ADAMTSL3: variants seen among roughly 807,000 people sequenced by gnomAD.
ADAMTSL3 encodes the protein ADAMTS-like protein 3.
In ADAMTSL3, 128 loss-of-function variants were observed where a neutral mutation model predicts 201.7. That is an observed-to-expected ratio of 0.63 (90% CI 0.55 to 0.73). ADAMTSL3 has a LOEUF of 0.73. Among genes scored for constraint, ADAMTSL3 ranks in the 30% least tolerant of loss-of-function variants. The pLI is 0.00. For synonymous variants in ADAMTSL3, 738 were observed against 748.4 expected (o/e 0.99, Z 0.23); for missense variants, 1,990 against 2,119.6 (o/e 0.94, Z 1.20).
At chr15:83,776,713 G>A (rs1024501453) in intron 4 of ADAMTSL3, among the ~76,000 whole-genome samples, 5 of 151,724 alleles carry the variant, frequency 3.3e-5, no homozygotes, top group East Asian at 1.9e-4. Flanking sequence ...GCGAAACTCC[G>A]TCTCAAAAAA....
Position 83,720,792 on chromosome 15 carries a change from A to G in ADAMTSL3, c.189+16284A>G, listed in dbSNP as rs17158664. On this transcript the variant is annotated intron_variant, in intron 3 of 29. Coordinates refer to ENST00000286744, the MANE Select transcript of ADAMTSL3 (RefSeq NM_207517.3). ...TTGAAGCAGCTTTATTTCCTGCCCC[A>G]TTACAGGATAGTACTTTTATAATAT... Among the ~76,000 whole-genome samples, 1,282 of 152,302 alleles carry G rather than the reference A, an allele frequency of 8.4e-3. 18 individuals are homozygous for G. The highest frequency in any genetic ancestry group is 0.03 in the African/African-American group (1,248 of 41,576).
At chr15:83,939,823 T>C (rs1297017500) in intron 17 of ADAMTSL3, among the ~76,000 whole-genome samples, 3 of 152,100 alleles carry the variant, frequency 2.0e-5, no homozygotes, top group Non-Finnish European at 1.5e-5. Flanking sequence ...GGTTTCACCA[T>C]GTTGGCCAGG....
chr15:83,695,567 A>G (rs2061676871), intron 2 of ADAMTSL3, among the ~76,000 whole-genome samples: 1 of 152,100 alleles, frequency 6.6e-6, no homozygotes, highest in Non-Finnish European at 1.5e-5. Flanking sequence ...TCAAAACTAC[A>G]TGGTATTTTG....
At chr15:83,838,258 T>C (rs373449616) in intron 7 of ADAMTSL3, 43 bp downstream of exon 7, 19 of 1,592,166 alleles carry the variant, frequency 1.2e-5, no homozygotes, top group Middle Eastern at 1.7e-4. Flanking sequence ...ATACAAGATA[T>C]ATTTTAGACT....
intron 4 of ADAMTSL3, among the ~76,000 whole-genome samples, chr15:83,783,705 C>T (rs945759690): frequency 6.6e-5 from 10 of 150,478 alleles, no homozygotes; most frequent in African/African-American, 7.3e-5. Context: ...CACCCATATA[C>T]GGAAGTTTAA....
chr15:83,930,114 C>T (rs1332818573), intron 17 of ADAMTSL3, among the ~76,000 whole-genome samples: 3 of 152,122 alleles, frequency 2.0e-5, no homozygotes, highest in Non-Finnish European at 2.9e-5. Context: ...CTCAGTTCCA[C>T]GTCTCTCAAG....
chr15:83,981,731 C>A (rs2067387813), intron 20 of ADAMTSL3, among the ~76,000 whole-genome samples: 1 of 152,208 alleles, frequency 6.6e-6, no homozygotes, highest in Admixed American at 6.5e-5. Flanking sequence ...AGCTGGCCAA[C>A]CTCAGCCTCC....
chr15:83,898,518 T>A (rs1243273927), intron 14 of ADAMTSL3, among the ~76,000 whole-genome samples: 1 of 152,170 alleles, frequency 6.6e-6, no homozygotes, highest in African/African-American at 2.4e-5. Context: ...TACTAATGCA[T>A]GGAATGAATG....
intron 3 of ADAMTSL3, among the ~76,000 whole-genome samples, chr15:83,723,754 A>G (rs542240668): frequency 6.6e-6 from 1 of 152,286 alleles, no homozygotes; most frequent in South Asian, 2.1e-4. Flanking sequence ...AAGCAAAAAT[A>G]ACAGTGGTTA....
chr15:83,900,145 G>A (rs1362748179), intron 15 of ADAMTSL3, among the ~76,000 whole-genome samples: 1 of 152,160 alleles, frequency 6.6e-6, no homozygotes, highest in East Asian at 1.9e-4. Context: ...GTGATCATAG[G>A]GAAATGGAAA....
In ADAMTSL3 at chr15:83,852,685, C is replaced by T. The variant is rs569083409; in HGVS notation, c.728-6081C>T. Among the ~76,000 whole-genome samples, 20 of 152,236 alleles carry T rather than the reference C, an allele frequency of 1.3e-4. No individual in the cohort carries two copies. The South Asian group carries it at 3.9e-3, about 30-fold the overall frequency. On this transcript the variant is annotated intron_variant, in intron 7 of 29. Transcript: ENST00000286744. Reference sequence around the variant, plus strand: ...TGTTTTTTTCTTACTGATTTGTAAACACTCTGGATATTAAGAAAACAGTCT... The same window carrying T: ...TGTTTTTTTCTTACTGATTTGTAAATACTCTGGATATTAAGAAAACAGTCT...
intron 15 of ADAMTSL3, among the ~76,000 whole-genome samples, chr15:83,903,242 C>CTTTTTTTTT (rs3044648): frequency 4.6e-4 from 61 of 133,462 alleles, no homozygotes; most frequent in African/African-American, 1.2e-3. Flanking sequence ...GCTGCCAGAT[C>CTTTTTTTTT]TTTTTTTTTT....
intron 4 of ADAMTSL3, among the ~76,000 whole-genome samples, chr15:83,775,959 C>G (rs1243725332): frequency 6.6e-6 from 1 of 152,214 alleles, no homozygotes; most frequent in East Asian, 1.9e-4. Context: ...GTGCCCACAT[C>G]TGGTTCACAG....
chr15:83,682,783 T>A (rs1004019218), intron 2 of ADAMTSL3, among the ~76,000 whole-genome samples: 1 of 152,274 alleles, frequency 6.6e-6, no homozygotes, highest in African/African-American at 2.4e-5. Context: ...TGTCATCTAA[T>A]GACTTTCCTA....
At chr15:83,655,019 G>A (rs1362515244) in intron 1 of ADAMTSL3, among the ~76,000 whole-genome samples, 1 of 152,170 alleles carries the variant, frequency 6.6e-6, no homozygotes, top group African/African-American at 2.4e-5. Flanking sequence ...TTCCAGTCTC[G>A]ACTCATACTG....
chr15:83,875,462 T>C (rs1035574217), intron 9 of ADAMTSL3, among the ~76,000 whole-genome samples: 2 of 152,150 alleles, frequency 1.3e-5, no homozygotes, highest in Non-Finnish European at 2.9e-5. Flanking sequence ...GTCCTGCCAC[T>C]AGCAAGGCAA....
intron 3 of ADAMTSL3, among the ~76,000 whole-genome samples, chr15:83,737,217 G>C (rs927199306): frequency 6.6e-6 from 1 of 152,186 alleles, no homozygotes; most frequent in African/African-American, 2.4e-5. Context: ...GAAATGGGAA[G>C]TGTGGGGGAA....
chr15:83,970,656 C>T lies in ADAMTSL3; in HGVS notation c.2644+19C>T, dbSNP rs1047238987. ...TGCAGTAGTAAGTATGCGGTGTCCG[C>T]GCTTCACCAAGATATGCTGATTCTG... On this transcript the variant is annotated intron_variant, in intron 20 of 29. Transcript: ENST00000286744. 37 of 1,612,344 alleles carry T rather than the reference C, an allele frequency of 2.3e-5. No homozygotes were observed. Among genetic ancestry groups the T allele is most frequent in the Admixed American group, 3.3e-5 (2 of 59,854 alleles).
intron 3 of ADAMTSL3, among the ~76,000 whole-genome samples, chr15:83,708,517 T>C (rs1411574413): frequency 6.6e-6 from 1 of 152,108 alleles, no homozygotes; most frequent in Non-Finnish European, 1.5e-5. Flanking sequence ...CAGCTTCTAG[T>C]GAAGAAAGTG....
Sources: allele counts gnomAD v4.1 joint callset (sites outside exome capture counted in the v4.1 genomes callset), GRCh38; gene constraint gnomAD v4.1.1; transcripts MANE v1.5; gene names NCBI Gene and HGNC (gene_info 2026-07-23, HGNC 2026-07-21).